Variants in NBAS observed in about 807,000 individuals in gnomAD.
NBAS encodes NBAS subunit of NRZ tethering complex, also known as NAG/BC035112 fusion.
A neutral mutation model predicts 302.5 loss-of-function variants in NBAS; 219 were observed. The observed-to-expected ratio is 0.72, with a 90% CI of 0.65 to 0.81. The LOEUF is 0.81. Among genes scored for constraint, NBAS ranks in the 30% least tolerant of loss-of-function variants. NBAS has a pLI of 0.00. For synonymous variants in NBAS, 1,118 were observed against 1,021.6 expected, an observed-to-expected ratio of 1.09 and a Z score of -1.80; for missense variants, 2,932 against 2,841.6, an observed-to-expected ratio of 1.03 and a Z score of -0.72.
intron 48 of NBAS, among the ~76,000 whole-genome samples, chr2:15,213,595 T>C (rs1666520870): frequency 6.6e-6 from 1 of 152,198 alleles, no homozygotes; most frequent in Non-Finnish European, 1.5e-5. Flanking sequence ...ATATAGGTTT[T>C]AGAACCAGAC....
intron 23 of NBAS, 47 bp from the exon 24 acceptor site, chr2:15,417,759 C>T (rs781145019): frequency 6.4e-7 from 1 of 1,556,778 alleles, no homozygotes; most frequent in East Asian, 2.3e-5. Flanking sequence ...ATATATTTCT[C>T]ATCTATTCTA....
chr2:14,968,983 A>T, the NBAS span, among the ~76,000 whole-genome samples: 3 of 152,252 alleles, frequency 2.0e-5, no homozygotes, highest in Non-Finnish European at 4.4e-5. Context: ...AAAATGTCAC[A>T]TATTCACACA....
At chr2:14,816,763 C>G in the NBAS span, among the ~76,000 whole-genome samples, 1 of 152,198 alleles carries the variant, frequency 6.6e-6, no homozygotes, top group African/African-American at 2.4e-5. Context: ...CCCTACTGTA[C>G]ATTCTTTGGG....
chr2:14,809,656 G>A, the NBAS span, among the ~76,000 whole-genome samples: 1 of 152,182 alleles, frequency 6.6e-6, no homozygotes, highest in East Asian at 1.9e-4. Flanking sequence ...GAAATGTGTG[G>A]TCAGAGCCCC....
chr2:15,174,991 T>C (rs984729369), intron 51 of NBAS, among the ~76,000 whole-genome samples: 1 of 152,206 alleles, frequency 6.6e-6, no homozygotes, highest in Non-Finnish European at 1.5e-5. Context: ...ATTTATTTTT[T>C]TGAGACGGAG....
intron 44 of NBAS, among the ~76,000 whole-genome samples, chr2:15,262,466 G>A (rs920065634): frequency 1.3e-5 from 2 of 152,114 alleles, no homozygotes; most frequent in Non-Finnish European, 2.9e-5. Context: ...TATGTATACA[G>A]CAGTGATTAT....
chr2:15,164,307 G>C (rs1346049535), downstream of NBAS, among the ~76,000 whole-genome samples: 1 of 152,272 alleles, frequency 6.6e-6, no homozygotes, highest in African/African-American at 2.4e-5. Flanking sequence ...TCAGCAGAGG[G>C]ACCTAGAAGT....
At chr2:14,909,283 G>GCAC in the NBAS span, among the ~76,000 whole-genome samples, 1 of 144,116 alleles carries the variant, frequency 6.9e-6, no homozygotes, top group Non-Finnish European at 1.5e-5. Context: ...TTGTGCCACT[G>GCAC]CACTCCGGCC....
the NBAS span, among the ~76,000 whole-genome samples, chr2:14,802,306 C>T: frequency 6.8e-6 from 1 of 148,020 alleles, no homozygotes; most frequent in Non-Finnish European, 1.5e-5. Flanking sequence ...TTGTTTTTCT[C>T]AGGTTTGTCA....
chr2:14,797,658 C>T, the NBAS span, among the ~76,000 whole-genome samples: 2 of 108,856 alleles, frequency 1.8e-5, no homozygotes, highest in Non-Finnish European at 1.8e-5. Context: ...CACTGTGGCC[C>T]GGCCTCTTTG....
At chr2:15,047,745 A>T in the NBAS span, among the ~76,000 whole-genome samples, 4 of 152,240 alleles carry the variant, frequency 2.6e-5, no homozygotes. Context: ...ATGCAGGTGG[A>T]GCAGCCTGTG....
At chr2:14,916,590 A>G in the NBAS span, among the ~76,000 whole-genome samples, 2 of 152,212 alleles carry the variant, frequency 1.3e-5, no homozygotes, top group Non-Finnish European at 2.9e-5. Flanking sequence ...TAATATATAT[A>G]TATGAATGAT....
chr2:14,935,618 C>A, the NBAS span, among the ~76,000 whole-genome samples: 51 of 152,024 alleles, frequency 3.4e-4, no homozygotes, highest in African/African-American at 1.2e-3. Context: ...GTCTGTTATG[C>A]CAATAATCCC....
chr2:15,474,198 T>C lies in NBAS; in HGVS notation c.1468A>G (p.Lys490Glu). 6.2e-7 allele frequency: 1 copy of C among 1,614,112 alleles called. No homozygotes were observed. Among genetic ancestry groups the C allele is most frequent in the Non-Finnish European group, 8.5e-7 (1 of 1,180,000 alleles). ...SAKARYFGYIKQGLYLVTEME... is the reference protein window; with the variant it reads ...SAKARYFGYIEQGLYLVTEME... ...TCAGTCACCAAGTAAAGGCCCTGTTTTATATAACCAAAGTAGCGAGCCTTG... is the reference window on the plus strand; with the variant it reads ...TCAGTCACCAAGTAAAGGCCCTGTTCTATATAACCAAAGTAGCGAGCCTTG... Residue 490 changes from lysine (K) to glutamate (E), a missense_variant, in exon 15 of 52, where the codon AAA becomes GAA. By Grantham distance (56) the Lys-to-Glu change is moderately conservative. Transcript: ENST00000281513.
the NBAS span, among the ~76,000 whole-genome samples, chr2:14,855,980 T>C: frequency 6.6e-6 from 1 of 152,212 alleles, no homozygotes; most frequent in Admixed American, 6.5e-5. Flanking sequence ...AGTGCTGTGC[T>C]GGCTTCCGGC....
chr2:15,057,162 C>G, the NBAS span, among the ~76,000 whole-genome samples: 1 of 152,036 alleles, frequency 6.6e-6, no homozygotes, highest in Admixed American at 6.5e-5. Flanking sequence ...ATTTGCAAAG[C>G]CAGCCTAGAC....
the NBAS span, among the ~76,000 whole-genome samples, chr2:15,113,151 G>A: frequency 1.3e-5 from 2 of 152,116 alleles, no homozygotes; most frequent in Admixed American, 1.3e-4. Flanking sequence ...AGAGAAATAA[G>A]TAATGATGTG....
At chr2:14,914,687 G>A in the NBAS span, among the ~76,000 whole-genome samples, 4,081 of 152,258 alleles carry the variant, frequency 0.027, 197 homozygotes, top group African/African-American at 0.09. Flanking sequence ...CTTACTAAAA[G>A]ACACAGACAG....
intron 11 of NBAS, among the ~76,000 whole-genome samples, chr2:15,497,902 A>G (rs1324623082): frequency 6.6e-6 from 1 of 152,220 alleles, no homozygotes; most frequent in African/African-American, 2.4e-5. Context: ...GTATTTTACT[A>G]TAGTATACTC....
Sources: gnomAD v4.1 joint callset for allele counts (sites outside exome capture counted in the v4.1 genomes callset) on GRCh38, gnomAD v4.1.1 for gene constraint, MANE v1.5 for transcripts, NCBI Gene and HGNC (gene_info 2026-07-23, HGNC 2026-07-21) for gene names.